Variants in SLC39A11 observed in about 807,000 individuals in gnomAD.
SLC39A11 encodes the protein zinc transporter ZIP11.
A neutral mutation model predicts 36.1 loss-of-function variants in SLC39A11; 33 were observed. The ratio of observed to expected loss-of-function variants is 0.91; its 90% CI spans 0.69 to 1.22. The LOEUF (loss-of-function observed/expected upper bound fraction) is 1.22, where lower values mean the gene tolerates loss of function less well. Ranked by LOEUF, SLC39A11 falls within the 50% of genes most tolerant of loss-of-function variation. SLC39A11 has a pLI of 0.00. For synonymous variants in SLC39A11, 166 were observed against 170.3 expected (o/e 0.97, Z 0.20); for missense variants, 432 against 430.3 (o/e 1.00, Z -0.03).
chr17:72,905,009 T>C (rs2082577916), intron 5 of SLC39A11, among the ~76,000 whole-genome samples: 5 of 151,140 alleles, frequency 3.3e-5, no homozygotes, highest in Admixed American at 3.3e-4. Context: ...CCGTCTCTAC[T>C]AAATATACAA....
intron 5 of SLC39A11, among the ~76,000 whole-genome samples, chr17:72,904,410 A>C (rs1010765009): frequency 1.2e-4 from 19 of 152,202 alleles, no homozygotes; most frequent in Non-Finnish European, 8.8e-5. Context: ...AGTGTCCAAA[A>C]TAAGGAAGAG....
At chr17:72,722,498 T>G (rs2073729092) in intron 7 of SLC39A11, among the ~76,000 whole-genome samples, 1 of 151,998 alleles carries the variant, frequency 6.6e-6, no homozygotes. Context: ...TTTACAGAAT[T>G]TGAACTGGGG....
intron 3 of SLC39A11, among the ~76,000 whole-genome samples, chr17:73,033,641 C>T (rs1568161057): frequency 6.6e-6 from 1 of 152,324 alleles, no homozygotes; most frequent in African/African-American, 2.4e-5. Flanking sequence ...TTTACTCTTA[C>T]AGATGCTATG....
intron 6 of SLC39A11, among the ~76,000 whole-genome samples, chr17:72,746,778 G>T (rs2074955519): frequency 6.6e-6 from 1 of 151,534 alleles, no homozygotes; most frequent in Non-Finnish European, 1.5e-5. Flanking sequence ...TGGGTGTGCT[G>T]GTGTGCACCT....
chr17:72,729,453 A>AT (rs2074121143), intron 7 of SLC39A11, among the ~76,000 whole-genome samples: 2 of 6,570 alleles, frequency 3.0e-4, no homozygotes, highest in East Asian at 4.2e-3. Context: ...ATATATATAT[A>AT]TATATTTTTT....
intron 7 of SLC39A11, among the ~76,000 whole-genome samples, chr17:72,689,724 T>C (rs1382684472): frequency 2.0e-5 from 3 of 152,098 alleles, no homozygotes; most frequent in South Asian, 2.1e-4. Flanking sequence ...TCCACTGACA[T>C]GACATGCCCC....
chr17:72,714,517 C>A (rs1019621921), intron 7 of SLC39A11, among the ~76,000 whole-genome samples: 5 of 152,174 alleles, frequency 3.3e-5, no homozygotes, highest in South Asian at 2.1e-4. Flanking sequence ...AAGTTCATAA[C>A]CCTGCTGCTG....
At chr17:72,675,836 T>C (rs9908632) in intron 7 of SLC39A11, among the ~76,000 whole-genome samples, 67,082 of 152,104 alleles carry the variant, frequency 0.44, 15,404 homozygotes, top group Admixed American at 0.51. Flanking sequence ...CGTACCACCA[T>C]GCCTGGCTAA....
At chr17:72,951,618 T>C (rs924871026) in intron 4 of SLC39A11, among the ~76,000 whole-genome samples, 3 of 152,128 alleles carry the variant, frequency 2.0e-5, no homozygotes, top group Admixed American at 1.3e-4. Context: ...TGTCAGGTAG[T>C]GATAATGCCA....
intron 4 of SLC39A11, among the ~76,000 whole-genome samples, chr17:72,961,578 G>T (rs1041109258): frequency 6.6e-6 from 1 of 152,160 alleles, no homozygotes; most frequent in African/African-American, 2.4e-5. Flanking sequence ...ATGAGTTCAT[G>T]TCCTTTGCAG....
chr17:72,961,857 T>G (rs549950412), intron 4 of SLC39A11, among the ~76,000 whole-genome samples: 1 of 152,242 alleles, frequency 6.6e-6, no homozygotes, highest in South Asian at 2.1e-4. Flanking sequence ...CTGCACATTG[T>G]GCACATGTAC....
chr17:72,914,292 G>A lies in SLC39A11; in HGVS notation c.430+33460C>T, dbSNP rs144974296. Among the ~76,000 whole-genome samples, 542 of 150,542 alleles carry A rather than the reference G, an allele frequency of 3.6e-3. 5 individuals carry two copies. Among genetic ancestry groups the A allele is most frequent in the African/African-American group, 0.012 (501 of 41,016 alleles). On this transcript the variant is annotated intron_variant, in intron 5 of 9. Transcript: ENST00000255559. Reference sequence around the variant, plus strand: ...GATCGTGCCACTATACTCCAGCCTGGACGACAGAGCGAGACTCCATCTCGG... The same window carrying A: ...GATCGTGCCACTATACTCCAGCCTGAACGACAGAGCGAGACTCCATCTCGG...
At position 73,004,221 on chromosome 17, in the gene SLC39A11, AAG is replaced by A. The variant is rs1568105990; in HGVS notation, c.306+27333_306+27334del. ...AAAGAAAGAAAGAAAGAAAGAAAGA[AAG>A]AAAGAAAGAAAAGAAAGAAAGAGAA... On this transcript the variant is annotated intron_variant, in intron 4 of 9. Coordinates refer to ENST00000255559, the MANE Select transcript of SLC39A11 (RefSeq NM_139177.4). 6.5e-5 allele frequency among the ~76,000 whole-genome samples: 6 copies of A among 92,792 alleles called. 1 individual carries two copies. The highest frequency in any genetic ancestry group is 1.3e-4 in the Non-Finnish European group (6 of 45,208). The allele number at this position is 92,792 out of a possible 152,430, so 60.9% of individuals were successfully genotyped here. A position where few individuals can be genotyped will look rare whatever the true frequency, so the allele number is the denominator to read the frequency against.
intron 4 of SLC39A11, among the ~76,000 whole-genome samples, chr17:73,021,666 C>T (rs976000873): frequency 2.0e-5 from 3 of 152,164 alleles, no homozygotes; most frequent in Non-Finnish European, 4.4e-5. Flanking sequence ...TTGCCACCCT[C>T]GGCTATCGAC....
intron 4 of SLC39A11, among the ~76,000 whole-genome samples, chr17:72,972,242 C>T (rs536294172): frequency 1.2e-4 from 19 of 152,246 alleles, no homozygotes; most frequent in Non-Finnish European, 1.9e-4. Context: ...ACAGCCATCA[C>T]GGCCCATCAT....
chr17:72,810,269 AGT>A (rs2077393473), intron 6 of SLC39A11, among the ~76,000 whole-genome samples: 1 of 152,208 alleles, frequency 6.6e-6, no homozygotes, highest in Admixed American at 6.5e-5. Context: ...AAGAAAAATG[AGT>A]GTGTGTTCAT....
At chr17:72,736,574 C>T in intron 7 of SLC39A11, 76 bp downstream of exon 7, 1 of 1,274,484 alleles carries the variant, frequency 7.8e-7, no homozygotes, top group African/African-American at 1.5e-5. Flanking sequence ...CACAGACAGC[C>T]CACCCAGGTG....
chr17:72,762,545 C>T (rs1443832244), intron 6 of SLC39A11, among the ~76,000 whole-genome samples: 1 of 152,192 alleles, frequency 6.6e-6, no homozygotes, highest in African/African-American at 2.4e-5. Context: ...TAAAAATGGG[C>T]AACCAGCAGC....
chr17:72,795,361 G>T (rs548400472), intron 6 of SLC39A11, among the ~76,000 whole-genome samples: 6 of 152,214 alleles, frequency 3.9e-5, no homozygotes, highest in Non-Finnish European at 8.8e-5. Flanking sequence ...TCATAGGTTT[G>T]CCTTAAAGAC....
Sources: allele counts gnomAD v4.1 joint callset (sites outside exome capture counted in the v4.1 genomes callset), GRCh38; gene constraint gnomAD v4.1.1; transcripts MANE v1.5; gene names NCBI Gene and HGNC (gene_info 2026-07-23, HGNC 2026-07-21).